The following CNTLN variants were observed in gnomAD, a reference collection of about 807,000 sequenced individuals.
CNTLN encodes the protein centlein.
In CNTLN, 212 loss-of-function variants were observed where a neutral mutation model predicts 180.0. The ratio of observed to expected loss-of-function variants is 1.18; its 90% CI spans 1.05 to 1.32. The LOEUF (loss-of-function observed/expected upper bound fraction) is 1.32. Among genes scored for constraint, CNTLN ranks in the 40% most tolerant of loss-of-function variants. The pLI, the probability that CNTLN is intolerant of heterozygous loss-of-function variation, is 0.00. For synonymous variants in CNTLN, 722 were observed against 563.1 expected (o/e 1.28, Z -3.99); for missense variants, 2,095 against 1,610.9 (o/e 1.30, Z -5.14).
intron 6 of CNTLN, among the ~76,000 whole-genome samples, chr9:17,282,046 T>TA (rs1828699036): frequency 6.6e-6 from 1 of 152,222 alleles, no homozygotes; most frequent in South Asian, 2.1e-4. Context: ...CACTGCAACT[T>TA]ATGCCTCCCC....
In CNTLN at chr9:17,444,976, G is replaced by A. The variant is rs138682666; in HGVS notation, c.3115-12548G>A. 4.1e-3 allele frequency among the ~76,000 whole-genome samples: 623 copies of A among 152,100 alleles called. 18 individuals carry two copies. Among genetic ancestry groups the A allele is most frequent in the Admixed American group, 0.033 (498 of 15,264 alleles). On this transcript the variant is annotated intron_variant, in intron 18 of 25. Coordinates refer to ENST00000380647, the MANE Select transcript of CNTLN (RefSeq NM_017738.4). ...TATATAAAGGAAATTTCTACTCTAT[G>A]CTATGAAAGACTTTTTTTGGTAATT...
intron 18 of CNTLN, among the ~76,000 whole-genome samples, chr9:17,455,135 G>A (rs1036753825): frequency 1.1e-4 from 16 of 152,086 alleles, no homozygotes; most frequent in African/African-American, 2.7e-4. Context: ...TTTTTAAACC[G>A]ACAGAAGTTA....
intron 12 of CNTLN, among the ~76,000 whole-genome samples, chr9:17,359,262 A>T (rs1008667584): frequency 6.6e-6 from 1 of 151,958 alleles, no homozygotes; most frequent in Non-Finnish European, 1.5e-5. Flanking sequence ...CAAGCAATCC[A>T]CTTGCTTTGG....
At chr9:17,250,209 G>C (rs1177502141) in intron 5 of CNTLN, among the ~76,000 whole-genome samples, 2 of 151,654 alleles carry the variant, frequency 1.3e-5, no homozygotes, top group African/African-American at 2.4e-5. Context: ...CTATTTTCAT[G>C]GAATATCTTT....
At chr9:17,480,591 A>T (rs989255636) in intron 23 of CNTLN, among the ~76,000 whole-genome samples, 2 of 152,214 alleles carry the variant, frequency 1.3e-5, no homozygotes, top group African/African-American at 4.8e-5. Context: ...CATGTGGAAC[A>T]TTCACAGAAA....
Position 17,371,817 on chromosome 9 carries a change from G to A in CNTLN, c.1987+5100G>A, listed in dbSNP as rs1411835040. Among the ~76,000 whole-genome samples the A allele has an allele frequency of 2.0e-5, 3 of 151,974 alleles. No individual in the cohort carries two copies. In the East Asian group the frequency reaches 5.8e-4, roughly 29 times the overall value. On this transcript the variant is annotated intron_variant, in intron 13 of 25. Transcript: ENST00000380647. ...AGTAATCAATAACATGAAAAATTTT[G>A]GAAGCTCTGCAGACATATGGAAATT...
At chr9:17,461,789 A>G (rs1223930883) in intron 19 of CNTLN, among the ~76,000 whole-genome samples, 1 of 151,592 alleles carries the variant, frequency 6.6e-6, no homozygotes, top group African/African-American at 2.4e-5. Context: ...AAACTTAACA[A>G]ATGGATTAAT....
chr9:17,492,305 G>A (rs923206175), intron 25 of CNTLN, among the ~76,000 whole-genome samples: 14 of 147,744 alleles, frequency 9.5e-5, no homozygotes, highest in African/African-American at 1.5e-4. Context: ...TGTTTTCTTC[G>A]TGTAGTTTTA....
intron 12 of CNTLN, among the ~76,000 whole-genome samples, chr9:17,345,718 C>G (rs1475675210): frequency 1.3e-5 from 2 of 152,000 alleles, no homozygotes; most frequent in East Asian, 3.9e-4. Flanking sequence ...CATTGAGAAC[C>G]TCATCACAAG....
chr9:17,290,726 A>C (rs1228333156), intron 6 of CNTLN, among the ~76,000 whole-genome samples: 1 of 151,564 alleles, frequency 6.6e-6, no homozygotes, highest in Non-Finnish European at 1.5e-5. Flanking sequence ...CCGCTTTTTA[A>C]GCCGGTCTGA....
intron 5 of CNTLN, among the ~76,000 whole-genome samples, chr9:17,273,472 C>T (rs1055539814): frequency 2.0e-5 from 3 of 151,982 alleles, no homozygotes; most frequent in African/African-American, 7.3e-5. Context: ...TTAATAACTA[C>T]ATTTTTTATA....
intron 12 of CNTLN, among the ~76,000 whole-genome samples, chr9:17,345,623 G>A (rs1415240029): frequency 3.3e-5 from 5 of 151,230 alleles, no homozygotes; most frequent in Admixed American, 1.3e-4. Flanking sequence ...ATTACTTTAA[G>A]TGGAATCTAG....
intron 8 of CNTLN, among the ~76,000 whole-genome samples, chr9:17,329,218 T>G (rs1820488794): frequency 6.6e-6 from 1 of 152,116 alleles, no homozygotes; most frequent in South Asian, 2.1e-4. Context: ...ATAACATTTA[T>G]AATTTTATTA....
At chr9:17,189,717 C>A (rs1439572313) in intron 2 of CNTLN, among the ~76,000 whole-genome samples, 1 of 151,788 alleles carries the variant, frequency 6.6e-6, no homozygotes, top group Admixed American at 6.6e-5. Flanking sequence ...GAACTCCTAA[C>A]CGCAAGCTGG....
chr9:17,466,463 A>G (rs1564130819), intron 22 of CNTLN, among the ~76,000 whole-genome samples: 1 of 151,464 alleles, frequency 6.6e-6, no homozygotes, highest in Non-Finnish European at 1.5e-5. Flanking sequence ...GGTCTAAAAT[A>G]GCTTCCATGC....
At chr9:17,520,320 G>C in the CNTLN span, among the ~76,000 whole-genome samples, 1 of 152,198 alleles carries the variant, frequency 6.6e-6, no homozygotes, top group East Asian at 1.9e-4. Flanking sequence ...AAAGGAATTA[G>C]GGTTATACAT....
chr9:17,407,527 T>C (rs1461645461), intron 15 of CNTLN, among the ~76,000 whole-genome samples: 1 of 152,136 alleles, frequency 6.6e-6, no homozygotes, highest in Non-Finnish European at 1.5e-5. Flanking sequence ...ACTGGGAATA[T>C]AGTTACACAA....
intron 18 of CNTLN, among the ~76,000 whole-genome samples, chr9:17,445,651 C>T (rs1830364945): frequency 6.6e-6 from 1 of 152,168 alleles, no homozygotes; most frequent in African/African-American, 2.4e-5. Flanking sequence ...GACACAAAAA[C>T]TGCGGAAGGC....
chr9:17,212,469 A>G (rs905230911), intron 2 of CNTLN, among the ~76,000 whole-genome samples: 4 of 152,154 alleles, frequency 2.6e-5, no homozygotes, highest in African/African-American at 9.7e-5. Context: ...GTATTTTATT[A>G]AGGATTTTTC....
Sources: gnomAD v4.1 joint callset for allele counts (sites outside exome capture counted in the v4.1 genomes callset) on GRCh38, gnomAD v4.1.1 for gene constraint, MANE v1.5 for transcripts, NCBI Gene and HGNC (gene_info 2026-07-23, HGNC 2026-07-21) for gene names.